HMCN1: variants seen among roughly 807,000 people sequenced by gnomAD.
HMCN1 encodes the protein hemicentin 1, also known as hemicentin-1.
In HMCN1, 321 loss-of-function variants were observed where a neutral mutation model predicts 625.9. The ratio of observed to expected loss-of-function variants is 0.51; its 90% CI spans 0.47 to 0.56. The LOEUF (loss-of-function observed/expected upper bound fraction) is 0.56, where lower values mean the gene tolerates loss of function less well. Among genes scored for constraint, HMCN1 ranks in the 20% least tolerant of loss-of-function variants. The probability of loss-of-function intolerance (pLI) is 0.00; values close to 1 mark genes in which losing one functional copy is unlikely to be tolerated. For synonymous variants in HMCN1, 2,425 were observed against 2,417.6 expected, an observed-to-expected ratio of 1.00 and a Z score of -0.09; for missense variants, 6,588 against 6,887.3, an observed-to-expected ratio of 0.96 and a Z score of 1.54.
intron 68 of HMCN1, among the ~76,000 whole-genome samples, chr1:186,102,647 ATG>A (rs1465671161): frequency 6.6e-6 from 1 of 152,114 alleles, no homozygotes; most frequent in Non-Finnish European, 1.5e-5. Context: ...GTTCTAAACT[ATG>A]TGCCTTATTA....
At chr1:185,784,270 G>C (rs1657392130) in intron 1 of HMCN1, among the ~76,000 whole-genome samples, 1 of 152,152 alleles carries the variant, frequency 6.6e-6, no homozygotes, top group Non-Finnish European at 1.5e-5. Context: ...CCTTGGCTAG[G>C]AAAGGGAATT....
chr1:185,970,068 G>T (rs895392502), intron 14 of HMCN1, among the ~76,000 whole-genome samples: 8 of 152,138 alleles, frequency 5.3e-5, no homozygotes, highest in Non-Finnish European at 5.9e-5. Flanking sequence ...GGTTATGACT[G>T]CCAGGCTTTC....
At chr1:186,163,050 T>G (rs1375598501) in intron 97 of HMCN1, among the ~76,000 whole-genome samples, 2 of 152,222 alleles carry the variant, frequency 1.3e-5, no homozygotes, top group Non-Finnish European at 1.5e-5. Context: ...TGAGCTGTGG[T>G]GGGCTCCACC....
Position 186,087,571 on chromosome 1 carries a change from G to A in HMCN1, c.9289G>A (p.Gly3097Arg), listed in dbSNP as rs202138495. ...PPPVITWYKN[G>R]RMITESTHVE... ...TCCAGTCATCACTTGGTATAAGAAT[G>A]GGCGGATGATAACAGAGTCTACTCA... Residue 3097 changes from glycine to arginine, a missense_variant, in exon 60 of 107, where the codon GGG becomes AGG. Gly to Arg is a moderately radical substitution (Grantham distance 125). Transcript: ENST00000271588. 25 of 1,613,140 alleles carry A rather than the reference G, an allele frequency of 1.5e-5. No individual in the cohort carries two copies. The highest frequency in any genetic ancestry group is 2.1e-5 in the Non-Finnish European group (25 of 1,179,470).
Position 186,055,449 on chromosome 1 carries a change from G to A in HMCN1, c.6919G>A (p.Gly2307Arg), listed in dbSNP as rs1234940555. 1 of 1,612,658 alleles carries A rather than the reference G, an allele frequency of 6.2e-7. No individual in the cohort carries two copies. Among genetic ancestry groups the A allele is most frequent in the South Asian group, 1.1e-5 (1 of 91,066 alleles). Residue 2307 changes from glycine to arginine, a missense_variant, in exon 45 of 107, where the codon GGG becomes AGG. By Grantham distance (125) the Gly-to-Arg change is moderately radical (BLOSUM62 -2). Coordinates refer to ENST00000271588, the MANE Select transcript of HMCN1 (RefSeq NM_031935.3). Reference sequence around the variant, plus strand: ...CCCTACTGAAATTATTGTGACCCGAGGGAAGAGTATCTCCTTGGAGTGTGA... The same window carrying A: ...CCCTACTGAAATTATTGTGACCCGAAGGAAGAGTATCTCCTTGGAGTGTGA... ...SHPTEIIVTR[G>R]KSISLECEVQ...
chr1:185,994,086 C>T (rs1458606176), intron 23 of HMCN1, among the ~76,000 whole-genome samples: 2 of 151,962 alleles, frequency 1.3e-5, no homozygotes, highest in African/African-American at 4.8e-5. Context: ...TTAGTGACAA[C>T]CTTTAGAAAG....
chr1:185,956,609 T>C (rs1395370532), intron 11 of HMCN1, among the ~76,000 whole-genome samples: 3 of 152,220 alleles, frequency 2.0e-5, no homozygotes, highest in Admixed American at 1.3e-4. Context: ...TCAGAAGCTC[T>C]CTGAACCCTG....
In HMCN1 at chr1:186,190,052, T is replaced by C; in HGVS notation, c.*174T>C. On this transcript the variant is annotated 3_prime_UTR_variant, in exon 107 of 107. Transcript: ENST00000271588. ...CTGAGGTATTTTCATGATCCCACCA[T>C]GGTCATATCTTGAAGTATGGTCTAG... 1.4e-6 allele frequency: 1 copy of C among 719,000 alleles called. No homozygotes were observed. Among genetic ancestry groups the C allele is most frequent in the Non-Finnish European group, 2.4e-6 (1 of 415,550 alleles). The allele number at this position is 719,000 out of a possible 1,614,324, so 44.5% of individuals were successfully genotyped here. A position where few individuals can be genotyped will look rare whatever the true frequency, so the allele number is the denominator to read the frequency against.
chr1:185,745,807 C>T (rs1654352076), intron 1 of HMCN1, among the ~76,000 whole-genome samples: 1 of 152,096 alleles, frequency 6.6e-6, no homozygotes, highest in African/African-American at 2.4e-5. Flanking sequence ...GCTATTCTGT[C>T]CACTTGAAAC....
chr1:186,090,426 T>C (rs1381939067), intron 63 of HMCN1, among the ~76,000 whole-genome samples: 1 of 151,960 alleles, frequency 6.6e-6, no homozygotes, highest in Non-Finnish European at 1.5e-5. Context: ...CACACTGCCT[T>C]ACCTATGTGC....
rs1362200686 is a variant in HMCN1 at position 186,145,536 on chromosome 1, C to T, written c.14400C>T (p.Asp4800=). The T allele has an allele frequency of 6.2e-7, 1 of 1,614,130 alleles. No individual in the cohort carries two copies. ...GGGGAAGAGCTTGTGGGGGACCAGA[C>T]TCCCAGATCCAGAGGTGCAACACTG... ...SNGGRACGGP[D]SQIQRCNTDM... The change falls in exon 92 of 107, where the codon GAC becomes GAT. Residue 4800 remains aspartate (D), a synonymous_variant. Coordinates refer to ENST00000271588, the MANE Select transcript of HMCN1 (RefSeq NM_031935.3).
intron 19 of HMCN1, 113 bp downstream of exon 19, chr1:185,984,426 G>C (rs1204419304): frequency 9.5e-7 from 1 of 1,047,550 alleles, no homozygotes; most frequent in Non-Finnish European, 1.5e-6. Flanking sequence ...TCTCTTAATT[G>C]TTATTTCCTA....
chr1:186,175,876 C>CAAAAAAAAAAAAA (rs758445916), intron 103 of HMCN1, among the ~76,000 whole-genome samples: 6 of 76,146 alleles, frequency 7.9e-5, no homozygotes, highest in African/African-American at 2.5e-4. Context: ...AACTATGTCT[C>CAAAAAAAAAAAAA]AAAAAAAAAA....
intron 82 of HMCN1, among the ~76,000 whole-genome samples, chr1:186,127,156 G>T (rs1365906211): frequency 6.6e-6 from 1 of 152,120 alleles, no homozygotes; most frequent in Non-Finnish European, 1.5e-5. Flanking sequence ...AGACGGTGAA[G>T]GCTACAGGTG....
intron 1 of HMCN1, among the ~76,000 whole-genome samples, chr1:185,807,180 CTT>C: frequency 6.6e-6 from 1 of 152,262 alleles, no homozygotes; most frequent in East Asian, 1.9e-4. Context: ...AATATGAAGA[CTT>C]TTAACATTTC....
At chr1:185,850,143 C>T (rs1343878112) in intron 2 of HMCN1, among the ~76,000 whole-genome samples, 1 of 152,126 alleles carries the variant, frequency 6.6e-6, no homozygotes, top group Non-Finnish European at 1.5e-5. Context: ...CCAGTGTCTG[C>T]AGTAGAGTAG....
intron 11 of HMCN1, among the ~76,000 whole-genome samples, chr1:185,959,518 G>A (rs141548057): frequency 2.8e-4 from 42 of 151,812 alleles, no homozygotes; most frequent in Admixed American, 1.3e-3. Flanking sequence ...CATGTATTTC[G>A]CTTTTGTTAT....
chr1:185,809,097 A>G (rs1349456460), intron 1 of HMCN1, among the ~76,000 whole-genome samples: 1 of 152,194 alleles, frequency 6.6e-6, no homozygotes, highest in African/African-American at 2.4e-5. Context: ...CAAAGGACAT[A>G]TAAGCACTTT....
intron 1 of HMCN1, among the ~76,000 whole-genome samples, chr1:185,754,532 G>C (rs1420432695): frequency 6.6e-6 from 1 of 151,986 alleles, no homozygotes; most frequent in Admixed American, 6.6e-5. Flanking sequence ...TTTTGAGTGT[G>C]TTTGAAAAGT....
Sources: allele counts gnomAD v4.1 joint callset (sites outside exome capture counted in the v4.1 genomes callset), GRCh38; gene constraint gnomAD v4.1.1; transcripts MANE v1.5; gene names NCBI Gene and HGNC (gene_info 2026-07-23, HGNC 2026-07-21).